The following ORMDL2 variants were observed in gnomAD, a reference collection of about 807,000 sequenced individuals.
The protein encoded by ORMDL2 is ORM1-like protein 2.
A neutral mutation model predicts 13.5 loss-of-function variants in ORMDL2; 11 were observed. The ratio of observed to expected loss-of-function variants is 0.82; its 90% CI spans 0.51 to 1.35. ORMDL2 has a LOEUF of 1.35. Ranked by LOEUF, ORMDL2 falls within the 40% of genes most tolerant of loss-of-function variation. The pLI is 0.00. For missense variants in ORMDL2, 160 were observed against 191.1 expected, an observed-to-expected ratio of 0.84 and a Z score of 0.96; for synonymous variants, 73 against 76.5, an observed-to-expected ratio of 0.95 and a Z score of 0.24.
At position 55,821,390 on chromosome 12, in the gene ORMDL2, G is replaced by A. The variant is rs568512821; in HGVS notation, c.*995G>A. 1 of 152,732 alleles carries A rather than the reference G, an allele frequency of 6.5e-6. No individual in the cohort carries two copies. Among genetic ancestry groups the A allele is most frequent in the South Asian group, 2.1e-4 (1 of 4,826 alleles). 9.5% of individuals were successfully genotyped at this position (152,732 alleles called of 1,614,324 possible). ...GAAGATAGACTTGTAGCTTTAAAAGGGTGGGAAAAAGTGTCATCTGCCCTA... is the reference window on the plus strand; with the variant it reads ...GAAGATAGACTTGTAGCTTTAAAAGAGTGGGAAAAAGTGTCATCTGCCCTA... On this transcript the variant is annotated 3_prime_UTR_variant, in exon 4 of 4. Coordinates refer to ENST00000243045, the MANE Select transcript of ORMDL2 (RefSeq NM_014182.5).
Position 55,820,420 on chromosome 12 carries a change from T to A in ORMDL2, c.*25T>A. 1 of 1,613,762 alleles carries A rather than the reference T, an allele frequency of 6.2e-7. No individual in the cohort carries two copies. The highest frequency in any genetic ancestry group is 8.5e-7 in the Non-Finnish European group (1 of 1,179,650). On this transcript the variant is annotated 3_prime_UTR_variant, in exon 4 of 4. Transcript: ENST00000243045. ...AGGGATGGGTTTTGGGACAGCTCCATGGGCATGGGGAAGGCACTGAAACAG... is the reference window on the plus strand; with the variant it reads ...AGGGATGGGTTTTGGGACAGCTCCAAGGGCATGGGGAAGGCACTGAAACAG...
In ORMDL2 at chr12:55,820,789, G is replaced by T; in HGVS notation, c.*394G>T. The T allele has an allele frequency of 5.0e-6, 1 of 201,294 alleles. No homozygotes were observed. The highest frequency in any genetic ancestry group is 8.3e-5 in the South Asian group (1 of 12,044). The allele number at this position is 201,294 out of a possible 1,614,324, so 12.5% of individuals were successfully genotyped here. On this transcript the variant is annotated 3_prime_UTR_variant, in exon 4 of 4. Coordinates refer to ENST00000243045, the MANE Select transcript of ORMDL2 (RefSeq NM_014182.5). ...GCAGTTTAATCAGGATGGGTAGAGA[G>T]CTGTCCTCATAAGGCTGGGGGTGGG...
In ORMDL2 at chr12:55,820,666, C is replaced by T; in HGVS notation, c.*271C>T. On this transcript the variant is annotated 3_prime_UTR_variant, in exon 4 of 4. Transcript: ENST00000243045. Reference sequence around the variant, plus strand: ...TAGCAGGAAGCCATTTGGGCAGCTTCTTTGGTGATTACATCTTTCCATATC... The same window carrying T: ...TAGCAGGAAGCCATTTGGGCAGCTTTTTTGGTGATTACATCTTTCCATATC... The T allele has an allele frequency of 2.2e-6, 1 of 454,778 alleles. No homozygotes were observed. The highest frequency in any genetic ancestry group is 4.0e-6 in the Non-Finnish European group (1 of 247,072). 28.2% of individuals were successfully genotyped at this position (454,778 alleles called of 1,614,324 possible).
chr12:55,818,311 C>G (rs1002167516), intron 1 of ORMDL2, 199 bp downstream of exon 1: 6 of 331,878 alleles, frequency 1.8e-5, no homozygotes, highest in South Asian at 1.3e-4. Context: ...GGGCAAGAGC[C>G]GCTTCCTAAC....
In ORMDL2 at chr12:55,820,686, C is replaced by T. The variant is rs118090673; in HGVS notation, c.*291C>T. 5.8e-4 allele frequency: 236 copies of T among 405,892 alleles called. No individual in the cohort carries two copies. In the East Asian group the frequency reaches 8.6e-3, roughly 15 times the overall value. 25.1% of individuals were successfully genotyped at this position (405,892 alleles called of 1,614,324 possible). On this transcript the variant is annotated 3_prime_UTR_variant, in exon 4 of 4. Coordinates refer to ENST00000243045, the MANE Select transcript of ORMDL2 (RefSeq NM_014182.5). Reference sequence around the variant, plus strand: ...AGCTTCTTTGGTGATTACATCTTTCCATATCTTTTACACTTACCACCTTCC... The same window carrying T: ...AGCTTCTTTGGTGATTACATCTTTCTATATCTTTTACACTTACCACCTTCC...
chr12:55,820,606 G>A lies in ORMDL2; in HGVS notation c.*211G>A, dbSNP rs1880640144. On this transcript the variant is annotated 3_prime_UTR_variant, in exon 4 of 4. Transcript: ENST00000243045. ...GTGGCAAGTTTCTTTGAATCAGGAAGGCAGGTGAGGTAAGGGCCAAATCAC... is the reference window on the plus strand; with the variant it reads ...GTGGCAAGTTTCTTTGAATCAGGAAAGCAGGTGAGGTAAGGGCCAAATCAC... The A allele has an allele frequency of 1.7e-6, 1 of 587,096 alleles. No homozygotes were observed. Among genetic ancestry groups the A allele is most frequent in the Admixed American group, 3.0e-5 (1 of 33,580 alleles). The allele number at this position is 587,096 out of a possible 1,614,324, so 36.4% of individuals were successfully genotyped here.
In ORMDL2 at chr12:55,819,008, G is replaced by C. The variant is rs758336382; in HGVS notation, c.9G>C (p.Val3=). MN[V]GVAHSEVNPN... ...CCCCCATTACGGCTAGGATGAATGT[G>C]GGGGTGGCACACAGCGAAGTAAACC... The change falls in exon 2 of 4, where the codon GTG becomes GTC. Residue 3 remains valine (V), a synonymous_variant. Transcript: ENST00000243045. 1.2e-6 allele frequency: 2 copies of C among 1,612,818 alleles called. No homozygotes were observed. The highest frequency in any genetic ancestry group is 1.7e-6 in the Non-Finnish European group (2 of 1,178,930).
intron 3 of ORMDL2, among the ~76,000 whole-genome samples, chr12:55,819,710 A>C (rs1225830796): frequency 6.6e-6 from 1 of 152,214 alleles, no homozygotes; most frequent in East Asian, 1.9e-4. Flanking sequence ...GGTAGTAAGG[A>C]AATGAAGGGA....
Position 55,819,480 on chromosome 12 carries a change from TCTC to T in ORMDL2, c.316_318del (p.Pro106del). 5 of 1,613,904 alleles carry T rather than the reference TCTC, an allele frequency of 3.1e-6. No individual in the cohort carries two copies. The highest frequency in any genetic ancestry group is 4.2e-6 in the Non-Finnish European group (5 of 1,179,934). On this transcript the variant is annotated inframe_deletion, in exon 3 of 4. Coordinates refer to ENST00000243045, the MANE Select transcript of ORMDL2 (RefSeq NM_014182.5). ...CTCTTCCCGCAAGTTCCTCAGCATC[TCTC>T]CTATTGTGCTGTGAGTCTATGGGGG...
Position 55,821,865 on chromosome 12 carries a change from AAAG to A in ORMDL2, c.*1473_*1475del, listed in dbSNP as rs1880674910. The A allele has an allele frequency of 4.9e-6, 6 of 1,229,338 alleles. No individual in the cohort carries two copies. The African/African-American group carries it at 9.2e-5, about 19-fold the overall frequency. 76.2% of individuals were successfully genotyped at this position (1,229,338 alleles called of 1,614,324 possible). ...AGCAAGACTCCATCTCAAAAAATAAAAAGAAAAAGATTCAGTTCCTAGGTGTTG... is the reference window on the plus strand; with the variant it reads ...AGCAAGACTCCATCTCAAAAAATAAAAAAAAGATTCAGTTCCTAGGTGTTG... On this transcript the variant is annotated 3_prime_UTR_variant, in exon 4 of 4. Coordinates refer to ENST00000243045, the MANE Select transcript of ORMDL2 (RefSeq NM_014182.5).
rs771506381 is a variant in ORMDL2 at position 55,820,454 on chromosome 12, A to G, written c.*59A>G. 8.3e-6 allele frequency: 13 copies of G among 1,565,054 alleles called. No homozygotes were observed. Among genetic ancestry groups the G allele is most frequent in the Admixed American group, 3.3e-5 (2 of 59,940 alleles). ...GGAAGGCACTGAAACAGAGGACTAT[A>G]AAACATCCTTCTCTTATTCTCCATA... On this transcript the variant is annotated 3_prime_UTR_variant, in exon 4 of 4. Coordinates refer to ENST00000243045, the MANE Select transcript of ORMDL2 (RefSeq NM_014182.5).
chr12:55,818,791 CTA>C (rs1199342103), intron 1 of ORMDL2: 32 of 565,060 alleles, frequency 5.7e-5, no homozygotes, highest in South Asian at 9.3e-5. Flanking sequence ...GCAATAATGA[CTA>C]TGTCTCTGAA....
At position 55,820,632 on chromosome 12, in the gene ORMDL2, TCTC is replaced by T. The variant is rs1030440710; in HGVS notation, c.*242_*244del. Reference sequence around the variant, plus strand: ...GCAGGTGAGGTAAGGGCCAAATCACTCTCCTCCATAGCAGGAAGCCATTTGGGC... The same window carrying T: ...GCAGGTGAGGTAAGGGCCAAATCACTCTCCATAGCAGGAAGCCATTTGGGC... On this transcript the variant is annotated 3_prime_UTR_variant, in exon 4 of 4. Coordinates refer to ENST00000243045, the MANE Select transcript of ORMDL2 (RefSeq NM_014182.5). 1.2e-5 allele frequency: 6 copies of T among 520,096 alleles called. No individual in the cohort carries two copies. The highest frequency in any genetic ancestry group is 7.0e-6 in the Non-Finnish European group (2 of 287,132). The allele number at this position is 520,096 out of a possible 1,614,324, so 32.2% of individuals were successfully genotyped here. A position where few individuals can be genotyped will look rare whatever the true frequency, so the allele number is the denominator to read the frequency against.
Position 55,820,808 on chromosome 12 carries a change from G to T in ORMDL2, c.*413G>T, listed in dbSNP as rs992065619. The T allele has an allele frequency of 1.1e-5, 2 of 175,384 alleles. No individual in the cohort carries two copies. The highest frequency in any genetic ancestry group is 4.7e-5 in the African/African-American group (2 of 42,146). The allele number at this position is 175,384 out of a possible 1,614,324, so 10.9% of individuals were successfully genotyped here. ...TAGAGAGCTGTCCTCATAAGGCTGG[G>T]GGTGGGAAGATGGAATACTGACCTA... is the stretch of plus-strand genomic sequence containing the variant. On this transcript the variant is annotated 3_prime_UTR_variant, in exon 4 of 4. Transcript: ENST00000243045.
intron 2 of ORMDL2, 47 bp downstream of exon 2, chr12:55,819,220 C>A: frequency 6.3e-7 from 1 of 1,593,782 alleles, no homozygotes; most frequent in Non-Finnish European, 8.6e-7. Flanking sequence ...GTTTCCCAAC[C>A]AAAAGCAAAA....
chr12:55,819,272 G>C, intron 2 of ORMDL2, 70 bp from the exon 3 acceptor site: 1 of 1,589,408 alleles, frequency 6.3e-7, no homozygotes, highest in Non-Finnish European at 8.6e-7. Flanking sequence ...TTCCTTTTGG[G>C]ATCTTAACAT....
intron 3 of ORMDL2, among the ~76,000 whole-genome samples, chr12:55,819,784 G>A (rs569901813): frequency 5.9e-5 from 9 of 152,220 alleles, no homozygotes; most frequent in African/African-American, 2.2e-4. Flanking sequence ...AGTAAATAAA[G>A]GCAGAACTGA....
intron 1 of ORMDL2, chr12:55,818,729 C>T: frequency 2.3e-6 from 1 of 429,836 alleles, no homozygotes; most frequent in Non-Finnish European, 4.2e-6. Flanking sequence ...GAAGTGAGTG[C>T]CCCAAGCCTA....
chr12:55,818,098 G>C lies in ORMDL2; in HGVS notation c.-16G>C. 3 of 495,384 alleles carry C rather than the reference G, an allele frequency of 6.1e-6. No homozygotes were observed. The highest frequency in any genetic ancestry group is 1.5e-5 in the South Asian group (1 of 64,906). 30.7% of individuals were successfully genotyped at this position (495,384 alleles called of 1,614,324 possible). On this transcript the variant is annotated 5_prime_UTR_variant, in exon 1 of 4. Coordinates refer to ENST00000243045, the MANE Select transcript of ORMDL2 (RefSeq NM_014182.5). ...GGCGCCGCGCCCATAGCCGGACGGG[G>C]ATCTGAGCTGGCAGGTAGGAGCTGC...
Sources: gnomAD v4.1 joint callset for allele counts (sites outside exome capture counted in the v4.1 genomes callset) on GRCh38, gnomAD v4.1.1 for gene constraint, MANE v1.5 for transcripts, NCBI Gene and HGNC (gene_info 2026-07-23, HGNC 2026-07-21) for gene names.